GRM1: variants seen among roughly 807,000 people sequenced by gnomAD.
GRM1 encodes glutamate metabotropic receptor 1.
A neutral mutation model predicts 90.9 loss-of-function variants in GRM1; 33 were observed. That is an observed-to-expected ratio of 0.36 (90% CI 0.28 to 0.49). The LOEUF is 0.49. Among genes scored for constraint, GRM1 ranks in the 20% least tolerant of loss-of-function variants. The pLI, the probability that GRM1 is intolerant of heterozygous loss-of-function variation, is 0.99. For synonymous variants in GRM1, 700 were observed against 613.2 expected, an observed-to-expected ratio of 1.14 and a Z score of -2.09; for missense variants, 1,190 against 1,534.3, an observed-to-expected ratio of 0.78 and a Z score of 3.75.
chr6:146,160,442 A>G (rs976175726), intron 2 of GRM1, among the ~76,000 whole-genome samples: 1 of 152,190 alleles, frequency 6.6e-6, no homozygotes, highest in Non-Finnish European at 1.5e-5. Context: ...CCAGCTTCTA[A>G]TATTGCATAA....
intron 7 of GRM1, among the ~76,000 whole-genome samples, chr6:146,414,106 A>C (rs927330217): frequency 6.6e-6 from 1 of 152,160 alleles, no homozygotes; most frequent in African/African-American, 2.4e-5. Flanking sequence ...GTGCATGTTT[A>C]ACTTATAAGA....
chr6:146,090,296 CTT>C (rs931847026), intron 1 of GRM1, among the ~76,000 whole-genome samples: 9 of 151,982 alleles, frequency 5.9e-5, no homozygotes, highest in Non-Finnish European at 1.3e-4. Flanking sequence ...ATTTTTAACT[CTT>C]GTTGTATTTC....
At chr6:146,186,456 C>A (rs941108993) in intron 2 of GRM1, among the ~76,000 whole-genome samples, 3 of 152,090 alleles carry the variant, frequency 2.0e-5, no homozygotes, top group Non-Finnish European at 1.5e-5. Context: ...ATTTTGTTTT[C>A]TGACCAAATT....
chr6:146,094,192 AG>A (rs1776802907), intron 1 of GRM1, among the ~76,000 whole-genome samples: 1 of 152,138 alleles, frequency 6.6e-6, no homozygotes, highest in Admixed American at 6.6e-5. Context: ...AATGAACACC[AG>A]GTCTCTACAA....
At chr6:146,134,438 G>C (rs1340204468) in intron 1 of GRM1, among the ~76,000 whole-genome samples, 1 of 152,150 alleles carries the variant, frequency 6.6e-6, no homozygotes, top group East Asian at 1.9e-4. Flanking sequence ...CACAAGACTA[G>C]GTAATTTATA....
chr6:146,366,932 T>C (rs1042807543), intron 5 of GRM1, among the ~76,000 whole-genome samples: 3 of 152,296 alleles, frequency 2.0e-5, no homozygotes, highest in Middle Eastern at 3.4e-3. Context: ...ATTTTTGCTT[T>C]TGTTGCCTGT....
intron 1 of GRM1, among the ~76,000 whole-genome samples, chr6:146,103,052 T>G (rs1279366349): frequency 6.6e-6 from 1 of 152,180 alleles, no homozygotes. Flanking sequence ...GTGATGGTTT[T>G]TAGGGGTCTC....
At chr6:146,377,593 G>C (rs937652444) in intron 5 of GRM1, among the ~76,000 whole-genome samples, 1 of 152,138 alleles carries the variant, frequency 6.6e-6, no homozygotes, top group Non-Finnish European at 1.5e-5. Context: ...GCAGCCTGAT[G>C]ATGCATTAGA....
At chr6:146,222,907 G>C (rs1780119620) in intron 2 of GRM1, among the ~76,000 whole-genome samples, 1 of 151,972 alleles carries the variant, frequency 6.6e-6, no homozygotes, top group Admixed American at 6.6e-5. Flanking sequence ...GGAGTCATTG[G>C]GGGTGTTGAA....
intron 2 of GRM1, among the ~76,000 whole-genome samples, chr6:146,186,885 G>C (rs1778754150): frequency 6.6e-6 from 1 of 152,198 alleles, no homozygotes; most frequent in African/African-American, 2.4e-5. Flanking sequence ...TCTAAGAAGG[G>C]AGTTTTCCTA....
At chr6:146,178,343 T>C (rs1778411743) in intron 2 of GRM1, among the ~76,000 whole-genome samples, 1 of 152,156 alleles carries the variant, frequency 6.6e-6, no homozygotes, top group Admixed American at 6.5e-5. Flanking sequence ...TAAAGTGCCA[T>C]TTTCATCATA....
At chr6:146,323,945 G>A (rs943394693) in intron 3 of GRM1, among the ~76,000 whole-genome samples, 1 of 152,098 alleles carries the variant, frequency 6.6e-6, no homozygotes, top group Admixed American at 6.6e-5. Flanking sequence ...TGTTCCATTG[G>A]TCTATATCTC....
At chr6:146,421,513 T>C (rs1438509784) in intron 7 of GRM1, among the ~76,000 whole-genome samples, 1 of 152,124 alleles carries the variant, frequency 6.6e-6, no homozygotes, top group Non-Finnish European at 1.5e-5. Context: ...TGACAATACA[T>C]ACCAATTTGT....
intron 1 of GRM1, among the ~76,000 whole-genome samples, chr6:146,143,196 C>A (rs1280119316): frequency 6.6e-6 from 1 of 152,188 alleles, no homozygotes; most frequent in African/African-American, 2.4e-5. Context: ...TTCAAGAGGT[C>A]CTCACGTTCT....
chr6:146,294,447 A>G (rs1423927076), intron 2 of GRM1, among the ~76,000 whole-genome samples: 3 of 152,056 alleles, frequency 2.0e-5, no homozygotes, highest in Non-Finnish European at 2.9e-5. Context: ...TGTGGGCTAT[A>G]TATTAATTTT....
intron 3 of GRM1, among the ~76,000 whole-genome samples, chr6:146,321,999 G>A (rs760129683): frequency 6.6e-6 from 1 of 152,008 alleles, no homozygotes; most frequent in African/African-American, 2.4e-5. Context: ...AGGAGAAGAG[G>A]CCTTTTTGCA....
chr6:146,429,889 G>A (rs1178764906), intron 7 of GRM1, among the ~76,000 whole-genome samples: 1 of 152,128 alleles, frequency 6.6e-6, no homozygotes, highest in Non-Finnish European at 1.5e-5. Flanking sequence ...TCTGGATACT[G>A]TCCTTGTATC....
intron 2 of GRM1, among the ~76,000 whole-genome samples, chr6:146,274,688 C>A (rs981928228): frequency 6.6e-6 from 1 of 152,068 alleles, no homozygotes; most frequent in African/African-American, 2.4e-5. Context: ...TATCTCATTT[C>A]AATGATATAG....
At chr6:146,139,376 T>C (rs181602157) in intron 1 of GRM1, among the ~76,000 whole-genome samples, 1 of 152,336 alleles carries the variant, frequency 6.6e-6, no homozygotes, top group Admixed American at 6.5e-5. Flanking sequence ...GTTGATTTTC[T>C]GTATGGATGA....
Sources: allele counts gnomAD v4.1 joint callset (sites outside exome capture counted in the v4.1 genomes callset), GRCh38; gene constraint gnomAD v4.1.1; transcripts MANE v1.5; gene names NCBI Gene and HGNC (gene_info 2026-07-23, HGNC 2026-07-21).